The following BMPR1B variants were observed in gnomAD, a reference collection of about 807,000 sequenced individuals.
The protein encoded by BMPR1B is bone morphogenetic protein receptor type-1B.
In BMPR1B, 12 loss-of-function variants were observed where a neutral mutation model predicts 59.1. The observed-to-expected ratio is 0.20, with a 90% CI of 0.13 to 0.33. The LOEUF (loss-of-function observed/expected upper bound fraction) is 0.33, where lower values mean the gene tolerates loss of function less well. Ranked by LOEUF, BMPR1B falls within the 10% of genes least tolerant of loss-of-function variation. BMPR1B has a pLI of 1.00. For synonymous variants in BMPR1B, 237 were observed against 207.3 expected (o/e 1.14, Z -1.23); for missense variants, 550 against 610.9 (o/e 0.90, Z 1.05).
chr4:94,907,641 A>G (rs752105457), intron 2 of BMPR1B, among the ~76,000 whole-genome samples: 15 of 152,126 alleles, frequency 9.9e-5, no homozygotes, highest in Admixed American at 2.6e-4. Context: ...GGCTAACTCC[A>G]CGGCACCCTA....
At chr4:94,981,001 A>ACACGCGCGCGTACGCGCGCG (rs776481058) in intron 2 of BMPR1B, among the ~76,000 whole-genome samples, 1,993 of 8,066 alleles carry the variant, frequency 0.25, 19 homozygotes, top group Admixed American at 0.35. Context: ...TCACACACAC[A>ACACGCGCGCGTACGCGCGCG]CACACACACA....
intron 1 of BMPR1B, among the ~76,000 whole-genome samples, chr4:94,864,319 C>T (rs911360472): frequency 6.6e-6 from 1 of 152,112 alleles, no homozygotes; most frequent in African/African-American, 2.4e-5. Flanking sequence ...ATAATGGTAG[C>T]AGGAGAGAGA....
chr4:95,071,832 G>T (rs559262970), intron 3 of BMPR1B, among the ~76,000 whole-genome samples: 1 of 151,848 alleles, frequency 6.6e-6, no homozygotes, highest in South Asian at 2.1e-4. Flanking sequence ...ATTTGTATTT[G>T]TTTTTTAAAA....
At chr4:94,817,942 A>G (rs780041667) in intron 1 of BMPR1B, among the ~76,000 whole-genome samples, 1 of 152,162 alleles carries the variant, frequency 6.6e-6, no homozygotes, top group Admixed American at 6.6e-5. Flanking sequence ...GTGGTTCTTA[A>G]CTAGTGCCTC....
intron 3 of BMPR1B, among the ~76,000 whole-genome samples, chr4:95,062,156 A>G (rs750842074): frequency 3.3e-5 from 5 of 151,988 alleles, no homozygotes; most frequent in Non-Finnish European, 5.9e-5. Flanking sequence ...TTTTTTTTAT[A>G]GCAGTGTAAG....
chr4:94,978,708 T>A (rs973793296), intron 2 of BMPR1B, among the ~76,000 whole-genome samples: 2 of 151,792 alleles, frequency 1.3e-5, no homozygotes, highest in Admixed American at 6.6e-5. Context: ...ATGTGAGGAG[T>A]CTCAAAGACA....
chr4:94,791,683 T>C (rs1038858453), intron 1 of BMPR1B, among the ~76,000 whole-genome samples: 2 of 152,188 alleles, frequency 1.3e-5, no homozygotes, highest in African/African-American at 4.8e-5. Flanking sequence ...TGGTTTAATA[T>C]TGTAAAATAT....
intron 1 of BMPR1B, among the ~76,000 whole-genome samples, chr4:94,788,912 T>C (rs1302818714): frequency 6.6e-6 from 1 of 152,184 alleles, no homozygotes; most frequent in Non-Finnish European, 1.5e-5. Flanking sequence ...ACTGTGATTG[T>C]CTGCTTGCTT....
chr4:94,841,583 C>G (rs190263479), intron 1 of BMPR1B, among the ~76,000 whole-genome samples: 3 of 152,096 alleles, frequency 2.0e-5, no homozygotes, highest in African/African-American at 7.2e-5. Context: ...TGACCCCTTG[C>G]GCTTCCCGAG....
chr4:94,918,931 G>A (rs1052956859), intron 2 of BMPR1B, among the ~76,000 whole-genome samples: 10 of 151,902 alleles, frequency 6.6e-5, no homozygotes, highest in African/African-American at 2.2e-4. Context: ...ATTTTTTGCT[G>A]TTGGGAACCT....
rs113183379 is a variant in BMPR1B at position 94,759,386 on chromosome 4, G to A, written c.-183+1318G>A. Among the ~76,000 whole-genome samples the A allele has an allele frequency of 5.9e-5, 9 of 152,196 alleles. No homozygotes were observed. In the South Asian group the frequency reaches 1.9e-3, roughly 32 times the overall value. On this transcript the variant is annotated intron_variant, in intron 1 of 12. Coordinates refer to ENST00000515059, the MANE Select transcript of BMPR1B (RefSeq NM_001203.3). ...TTGAGTTCTGCAAAGAAACATAAAA[G>A]GCTCCACTGGAAATGAGAGGGTTCA... is the stretch of plus-strand genomic sequence containing the variant.
chr4:95,090,020 T>TA (rs1170968265), intron 3 of BMPR1B, among the ~76,000 whole-genome samples: 2 of 152,070 alleles, frequency 1.3e-5, no homozygotes, highest in African/African-American at 4.8e-5. Flanking sequence ...CTCAGGGTGT[T>TA]ACTCGGAAAT....
chr4:94,908,044 C>T (rs1343120483), intron 2 of BMPR1B, among the ~76,000 whole-genome samples: 1 of 105,742 alleles, frequency 9.5e-6, no homozygotes, highest in Non-Finnish European at 1.7e-5. Flanking sequence ...ATGGGCAATG[C>T]AGTGAGACCC....
chr4:94,818,672 T>C (rs1335418575), intron 1 of BMPR1B, among the ~76,000 whole-genome samples: 1 of 152,216 alleles, frequency 6.6e-6, no homozygotes, highest in African/African-American at 2.4e-5. Flanking sequence ...TCAGCAAATA[T>C]TCTACTATGA....
chr4:95,068,806 A>G (rs1055351126), intron 3 of BMPR1B, among the ~76,000 whole-genome samples: 7 of 152,168 alleles, frequency 4.6e-5, no homozygotes, highest in African/African-American at 1.7e-4. Flanking sequence ...AACTCACTCT[A>G]TGCAAGCAGT....
chr4:94,846,251 G>T (rs1489008502), intron 1 of BMPR1B, among the ~76,000 whole-genome samples: 1 of 152,170 alleles, frequency 6.6e-6, no homozygotes. Context: ...GGGAAAACTG[G>T]ATATCTCTAT....
intron 1 of BMPR1B, among the ~76,000 whole-genome samples, chr4:94,761,459 GTGTT>G (rs1452116766): frequency 2.2e-5 from 3 of 139,520 alleles, no homozygotes; most frequent in Non-Finnish European, 4.6e-5. Flanking sequence ...GTGTGTGTGT[GTGTT>G]GAAGGGGGTT....
chr4:95,046,116 G>A (rs550762424), intron 3 of BMPR1B, among the ~76,000 whole-genome samples: 1 of 152,044 alleles, frequency 6.6e-6, no homozygotes, highest in Non-Finnish European at 1.5e-5. Context: ...TATTGCCCAG[G>A]CTAGTCTCGA....
intron 1 of BMPR1B, among the ~76,000 whole-genome samples, chr4:94,857,494 C>T (rs1456864465): frequency 5.3e-5 from 8 of 152,000 alleles, no homozygotes; most frequent in Non-Finnish European, 1.5e-5. Context: ...AATTTATGGC[C>T]TTAAAATCAT....
Sources: gnomAD v4.1 joint callset for allele counts (sites outside exome capture counted in the v4.1 genomes callset) on GRCh38, gnomAD v4.1.1 for gene constraint, MANE v1.5 for transcripts, NCBI Gene and HGNC (gene_info 2026-07-23, HGNC 2026-07-21) for gene names.